The following SLC5A9 variants were observed in gnomAD, a reference collection of about 807,000 sequenced individuals.
SLC5A9 encodes solute carrier family 5 member 9, also known as sodium/glucose cotransporter 4.
In SLC5A9, 59 loss-of-function variants were observed where a neutral mutation model predicts 70.9. The observed-to-expected ratio is 0.83, with a 90% CI of 0.68 to 1.03. The LOEUF (loss-of-function observed/expected upper bound fraction) is 1.03, where lower values mean the gene tolerates loss of function less well. Ranked by LOEUF, SLC5A9 falls within the 50% of genes least tolerant of loss-of-function variation. SLC5A9 has a pLI of 0.00. For missense variants in SLC5A9, 832 were observed against 881.1 expected (o/e 0.94, Z 0.71); for synonymous variants, 340 against 346.5 (o/e 0.98, Z 0.21).
chr1:48,244,909 T>TATATATATATATATATA (rs1291048314), intron 13 of SLC5A9, among the ~76,000 whole-genome samples: 3 of 114,536 alleles, frequency 2.6e-5, no homozygotes, highest in Admixed American at 1.1e-4. Flanking sequence ...TATATATATA[T>TATATATATATATATATA]AAAACCTCTG....
intron 10 of SLC5A9, among the ~76,000 whole-genome samples, chr1:48,236,479 A>G (rs1644329156): frequency 6.6e-6 from 1 of 152,216 alleles, no homozygotes; most frequent in Non-Finnish European, 1.5e-5. Context: ...AGGAATTCGA[A>G]CTTTATCTTG....
In SLC5A9 at chr1:48,229,347, C is replaced by T; in HGVS notation, c.392C>T (p.Ala131Val). Residue 131 changes from alanine (A) to valine (V), a missense_variant, in exon 4 of 14, where the codon GCA (alanine) becomes GTA (valine). By Grantham distance (64) the Ala-to-Val change is moderately conservative. Transcript: ENST00000438567. ...LGWVFVPVYI[A>V]AGVVTMPQYL... ...TGGGTCTTCGTCCCTGTGTACATCG[C>T]AGCAGGTGTGGTCACAATGCCGCAG... The T allele has an allele frequency of 6.2e-7, 1 of 1,614,186 alleles. No homozygotes were observed. Among genetic ancestry groups the T allele is most frequent in the Non-Finnish European group, 8.5e-7 (1 of 1,180,050 alleles).
At position 48,222,716 on chromosome 1, in the gene SLC5A9, G is replaced by C; in HGVS notation, c.-21G>C. ...CCAGGAGCGCCTCAAAGTCCAGCCT[G>C]CTGTTGACCAACACTAACAGATGAG... is the stretch of plus-strand genomic sequence containing the variant. On this transcript the variant is annotated 5_prime_UTR_variant, in exon 1 of 14. Transcript: ENST00000438567. 6.2e-7 allele frequency: 1 copy of C among 1,613,666 alleles called. No individual in the cohort carries two copies.
At chr1:48,226,214 C>A (rs1264041828) in intron 2 of SLC5A9, among the ~76,000 whole-genome samples, 1 of 152,118 alleles carries the variant, frequency 6.6e-6, no homozygotes, top group East Asian at 1.9e-4. Context: ...AGCTAGTGCC[C>A]CCCAAATCAC....
In SLC5A9 at chr1:48,232,175, C is replaced by T. The variant is rs200200190; in HGVS notation, c.897+24C>T. 64 of 1,593,932 alleles carry T rather than the reference C, an allele frequency of 4.0e-5. 2 individuals carry two copies. In the African/African-American group the frequency reaches 4.7e-4, roughly 12 times the overall value. On this transcript the variant is annotated intron_variant, in intron 7 of 13. Transcript: ENST00000438567. ...AGGTAATCCCCCAGCCAGGCTTAGC[C>T]CAGCCTGCCAGGAAGTGGGGTGGCT...
At position 48,247,868 on chromosome 1, in the gene SLC5A9, T is replaced by C; in HGVS notation, c.*325T>C. The stretch of plus-strand genomic sequence containing the variant: ...AATGTATTCAGTAGCCTTTACTGAA[T>C]GTGTGTCTTGAGAGTAGAAAAATGG... On this transcript the variant is annotated 3_prime_UTR_variant, in exon 14 of 14. Coordinates refer to ENST00000438567, the MANE Select transcript of SLC5A9 (RefSeq NM_001011547.3). 1 of 310,354 alleles carries C rather than the reference T, an allele frequency of 3.2e-6. No homozygotes were observed. The highest frequency in any genetic ancestry group is 6.1e-6 in the Non-Finnish European group (1 of 165,048). The allele number at this position is 310,354 out of a possible 1,614,324, so 19.2% of individuals were successfully genotyped here. A position where few individuals can be genotyped will look rare whatever the true frequency, so the allele number is the denominator to read the frequency against.
At chr1:48,226,102 G>A (rs139852204) in intron 2 of SLC5A9, among the ~76,000 whole-genome samples, 3 of 152,272 alleles carry the variant, frequency 2.0e-5, no homozygotes, top group African/African-American at 4.8e-5. Context: ...CAGGGATGGC[G>A]GGGAGCTGGG....
At chr1:48,238,414 CATT>C (rs1644355897) in intron 11 of SLC5A9, 1 of 152,376 alleles carries the variant, frequency 6.6e-6, no homozygotes, top group Non-Finnish European at 1.5e-5. Context: ...CCTGCACTTG[CATT>C]ATTCATGCAG....
chr1:48,229,243 C>T, intron 3 of SLC5A9, 52 bp from the exon 4 acceptor site: 2 of 1,613,918 alleles, frequency 1.2e-6, no homozygotes, highest in Admixed American at 3.3e-5. Context: ...GAAGCCGCCC[C>T]TCTGTCTACA....
At chr1:48,231,507 C>A (rs368190593) in intron 5 of SLC5A9, 38 bp from the exon 6 acceptor site, 1 of 1,611,184 alleles carries the variant, frequency 6.2e-7, no homozygotes, top group Non-Finnish European at 8.5e-7. Flanking sequence ...GGACCCCAAA[C>A]TGGTGCTGAC....
rs1453865150 is a variant in SLC5A9 at position 48,244,904 on chromosome 1, A to G, written c.1837+2288A>G. ...TATATATATATATATATATATATATATATATAAAACCTCTGTCTCAGAAGG... is the reference window on the plus strand; with the variant it reads ...TATATATATATATATATATATATATGTATATAAAACCTCTGTCTCAGAAGG... On this transcript the variant is annotated intron_variant, in intron 13 of 13. Transcript: ENST00000438567. 1.2e-4 allele frequency among the ~76,000 whole-genome samples: 13 copies of G among 112,838 alleles called. 1 individual carries two copies. In the East Asian group the frequency reaches 1.4e-3, roughly 12 times the overall value. The allele number at this position is 112,838 out of a possible 152,430, so 74.0% of individuals were successfully genotyped here.
chr1:48,246,919 T>C (rs761468930), intron 13 of SLC5A9, among the ~76,000 whole-genome samples: 5 of 152,226 alleles, frequency 3.3e-5, no homozygotes, highest in Non-Finnish European at 5.9e-5. Context: ...CCCTTTCCAA[T>C]TGTGGTTGTA....
chr1:48,229,439 T>G lies in SLC5A9; in HGVS notation c.484T>G (p.Tyr162Asp). Residue 162 changes from tyrosine (Y) to aspartate (D), a missense_variant, in exon 4 of 14, where the codon TAC (tyrosine) becomes GAC (aspartate). Coordinates refer to ENST00000438567, the MANE Select transcript of SLC5A9 (RefSeq NM_001011547.3). The stretch of plus-strand genomic sequence containing the variant: ...CATGTCTGTCCTGTCTCTCATCCTC[T>G]ACATCTTCACCAAGATCTCGGTAGG... ...VYMSVLSLILYIFTKISTDIF... is the reference protein window; with the variant it reads ...VYMSVLSLILDIFTKISTDIF... The G allele has an allele frequency of 6.2e-7, 1 of 1,614,076 alleles. No individual in the cohort carries two copies. The highest frequency in any genetic ancestry group is 1.1e-5 in the South Asian group (1 of 91,076).
chr1:48,242,725 A>C, intron 13 of SLC5A9, 109 bp downstream of exon 13: 5 of 1,057,130 alleles, frequency 4.7e-6, no homozygotes, highest in East Asian at 2.8e-5. Flanking sequence ...AATAAATATC[A>C]CCCTAACTCC....
At chr1:48,227,061 ATG>A (rs1291559804) in intron 2 of SLC5A9, among the ~76,000 whole-genome samples, 1 of 150,764 alleles carries the variant, frequency 6.6e-6, no homozygotes, top group East Asian at 2.0e-4. Context: ...TTGCGAATGT[ATG>A]TGCACGTGTG....
intron 13 of SLC5A9, among the ~76,000 whole-genome samples, chr1:48,243,477 T>C (rs1431557393): frequency 6.6e-6 from 1 of 152,248 alleles, no homozygotes; most frequent in East Asian, 1.9e-4. Flanking sequence ...AGACATGATT[T>C]GAGGTACCTG....
At position 48,247,354 on chromosome 1, in the gene SLC5A9, A is replaced by C; in HGVS notation, c.1857A>C (p.Gly619=). Residue 619 remains glycine, a synonymous_variant, in exon 14 of 14, where the codon GGA becomes GGC. Transcript: ENST00000438567. ...EQPEAPSRSW[G]KLLWSWFCGL... is the part of the protein sequence containing the mutation. ...CTCCAGCCCCAAGCAGGTCCTGGGG[A>C]AAGTTGCTCTGGAGCTGGTTCTGTG... The C allele has an allele frequency of 6.2e-7, 1 of 1,613,954 alleles. No individual in the cohort carries two copies. The highest frequency in any genetic ancestry group is 8.5e-7 in the Non-Finnish European group (1 of 1,179,976).
At chr1:48,223,975 A>C (rs1217600990) in intron 1 of SLC5A9, among the ~76,000 whole-genome samples, 1 of 152,230 alleles carries the variant, frequency 6.6e-6, no homozygotes, top group Non-Finnish European at 1.5e-5. Flanking sequence ...AAAGCTTAAC[A>C]AGCACAAGGC....
chr1:48,233,555 T>C (rs1002224811), intron 8 of SLC5A9, 100 bp from the exon 9 acceptor site: 1 of 855,640 alleles, frequency 1.2e-6, no homozygotes, highest in African/African-American at 1.7e-5. Context: ...CCTGTCAGAG[T>C]CTCCAGTGAA....
Sources: gnomAD v4.1 joint callset for allele counts (sites outside exome capture counted in the v4.1 genomes callset) on GRCh38, gnomAD v4.1.1 for gene constraint, MANE v1.5 for transcripts, NCBI Gene and HGNC (gene_info 2026-07-23, HGNC 2026-07-21) for gene names.